ROBO1: variants seen among roughly 807,000 people sequenced by gnomAD.
ROBO1 encodes the protein roundabout guidance receptor 1.
In ROBO1, 149 loss-of-function variants were observed where a neutral mutation model predicts 195.9. The observed-to-expected ratio is 0.76, with a 90% confidence interval of 0.67 to 0.87. ROBO1 has a LOEUF of 0.87. Among genes scored for constraint, ROBO1 ranks in the 40% least tolerant of loss-of-function variants. The pLI is 0.00. For missense variants in ROBO1, 1,933 were observed against 2,068.3 expected, an observed-to-expected ratio of 0.93 and a Z score of 1.27; for synonymous variants, 816 against 733.2, an observed-to-expected ratio of 1.11 and a Z score of -1.82.
At chr3:78,938,504 G>A in intron 4 of ROBO1, 97 bp downstream of exon 4, 1 of 980,216 alleles carries the variant, frequency 1.0e-6, no homozygotes, top group Non-Finnish European at 1.5e-6. Context: ...CTCAGGTAAG[G>A]CCTGAGATAC....
intron 28 of ROBO1, among the ~76,000 whole-genome samples, chr3:78,612,693 T>C (rs1445811074): frequency 6.6e-6 from 1 of 152,200 alleles, no homozygotes; most frequent in Non-Finnish European, 1.5e-5. Context: ...ACAGTAAACA[T>C]AACTTGAAGG....
intron 1 of ROBO1, among the ~76,000 whole-genome samples, chr3:79,735,695 C>A (rs896315198): frequency 2.8e-4 from 42 of 152,002 alleles, no homozygotes; most frequent in African/African-American, 9.4e-4. Flanking sequence ...AGGGTGAAAC[C>A]CCGTCTCTAC....
chr3:79,199,861 T>C (rs1311964847), intron 2 of ROBO1, among the ~76,000 whole-genome samples: 3 of 151,788 alleles, frequency 2.0e-5, no homozygotes, highest in African/African-American at 7.2e-5. Flanking sequence ...GGTAAAGTGT[T>C]CTTGCCCTGT....
intron 1 of ROBO1, among the ~76,000 whole-genome samples, chr3:79,598,999 A>G (rs553751453): frequency 1.3e-5 from 2 of 152,066 alleles, no homozygotes; most frequent in East Asian, 1.9e-4. Flanking sequence ...GACTCTCACA[A>G]TCCACTTCAC....
intron 4 of ROBO1, among the ~76,000 whole-genome samples, chr3:78,798,737 TACA>T (rs2084261263): frequency 6.6e-6 from 1 of 152,154 alleles, no homozygotes; most frequent in Admixed American, 6.6e-5. Flanking sequence ...AATCCAAAGG[TACA>T]ACAATTTGGA....
At chr3:79,018,609 C>T (rs1251177168) in intron 3 of ROBO1, 1 of 1,464,446 alleles carries the variant, frequency 6.8e-7, no homozygotes, top group Non-Finnish European at 9.1e-7. Flanking sequence ...GGCAATTACT[C>T]GTCGACCTTT....
chr3:78,703,601 G>A (rs1365356947), intron 8 of ROBO1, among the ~76,000 whole-genome samples: 1 of 152,044 alleles, frequency 6.6e-6, no homozygotes, highest in Non-Finnish European at 1.5e-5. Context: ...AGGAAGAGGA[G>A]GAGGAGGATG....
chr3:79,706,378 A>G (rs572763311), intron 1 of ROBO1, among the ~76,000 whole-genome samples: 1 of 151,746 alleles, frequency 6.6e-6, no homozygotes, highest in Admixed American at 6.6e-5. Flanking sequence ...GATTTTGACA[A>G]TTTTTCTGTA....
At chr3:78,785,301 T>C (rs915009778) in intron 4 of ROBO1, among the ~76,000 whole-genome samples, 3 of 152,210 alleles carry the variant, frequency 2.0e-5, no homozygotes, top group African/African-American at 7.2e-5. Flanking sequence ...TCTGTACTTA[T>C]TCCCTTTCAT....
chr3:78,693,306 T>C (rs2081216750), intron 8 of ROBO1: 3 of 1,549,834 alleles, frequency 1.9e-6, no homozygotes, highest in South Asian at 1.2e-5. Context: ...CCAGTCACAG[T>C]GACACGGTGA....
intron 4 of ROBO1, among the ~76,000 whole-genome samples, chr3:78,757,770 G>GA (rs777330457): frequency 2.0e-5 from 3 of 152,146 alleles, no homozygotes; most frequent in Non-Finnish European, 4.4e-5. Flanking sequence ...TTCAGTGATA[G>GA]AAAAAACCAA....
chr3:79,189,448 GTC>G (rs1297572104), intron 2 of ROBO1, among the ~76,000 whole-genome samples: 1 of 151,700 alleles, frequency 6.6e-6, no homozygotes, highest in African/African-American at 2.4e-5. Context: ...TGTTATGTTT[GTC>G]TATGCTGCTG....
rs142916373 is a variant in ROBO1, at chr3:79,519,523, A to C, written c.88+70301T>G. Among the ~76,000 whole-genome samples, 1,093 of 146,166 alleles carry C rather than the reference A, an allele frequency of 7.5e-3. 38 individuals carry two copies. In the East Asian group the frequency reaches 0.1, roughly 14 times the overall value. On this transcript the variant is annotated intron_variant, in intron 2 of 30. Coordinates refer to ENST00000464233, the MANE Select transcript of ROBO1 (RefSeq NM_002941.4). ...GGGCGCCTGTAGTCTCAGCTATTCG[A>C]GAGGCTGAGGCAGGAGAATGGCGTG...
intron 1 of ROBO1, among the ~76,000 whole-genome samples, chr3:79,644,065 T>C (rs1945746178): frequency 6.6e-6 from 1 of 152,112 alleles, no homozygotes; most frequent in South Asian, 2.1e-4. Flanking sequence ...TATAATTATA[T>C]GAGATTAAAT....
chr3:79,174,812 C>T (rs559098003), intron 2 of ROBO1, among the ~76,000 whole-genome samples: 41 of 148,684 alleles, frequency 2.8e-4, no homozygotes, highest in African/African-American at 7.2e-4. Flanking sequence ...ATGGAGATTG[C>T]GCCACTGCAC....
At chr3:79,734,017 G>A (rs1703269847) in intron 1 of ROBO1, among the ~76,000 whole-genome samples, 1 of 151,002 alleles carries the variant, frequency 6.6e-6, no homozygotes, top group Non-Finnish European at 1.5e-5. Context: ...GTGCGATCTG[G>A]TCTCACTGCA....
chr3:79,471,195 C>T (rs1205317711), intron 2 of ROBO1, among the ~76,000 whole-genome samples: 1 of 152,074 alleles, frequency 6.6e-6, no homozygotes, highest in Non-Finnish European at 1.5e-5. Flanking sequence ...CAAAGCTATA[C>T]AACCACTGGA....
At chr3:79,090,166 C>T (rs2079451416) in intron 3 of ROBO1, among the ~76,000 whole-genome samples, 1 of 152,158 alleles carries the variant, frequency 6.6e-6, no homozygotes, top group East Asian at 1.9e-4. Context: ...TCTCGAACTC[C>T]TGACCTCGTG....
chr3:78,679,440 C>T (rs2080831951), intron 10 of ROBO1, among the ~76,000 whole-genome samples: 1 of 152,166 alleles, frequency 6.6e-6, no homozygotes, highest in Non-Finnish European at 1.5e-5. Flanking sequence ...ATTGTCTCAG[C>T]CCAAAATCTC....
Sources: allele counts gnomAD v4.1 joint callset (sites outside exome capture counted in the v4.1 genomes callset), GRCh38; gene constraint gnomAD v4.1.1; transcripts MANE v1.5; gene names NCBI Gene and HGNC (gene_info 2026-07-23, HGNC 2026-07-21).